Variants in JADE3 observed in about 807,000 individuals in gnomAD.
JADE3 encodes the protein protein Jade-3.
In JADE3, 2 loss-of-function variants were observed where a neutral mutation model predicts 50.1. The observed-to-expected ratio is 0.04, with a 90% CI of 0.02 to 0.13. The LOEUF (loss-of-function observed/expected upper bound fraction) is 0.13. JADE3 is among the 10% of genes least tolerant of loss of function. JADE3 has a pLI of 1.00. For synonymous variants in JADE3, 218 were observed against 232.9 expected, an observed-to-expected ratio of 0.94 and a Z score of 0.58; for missense variants, 475 against 634.4, an observed-to-expected ratio of 0.75 and a Z score of 2.70.
chrX:47,003,614 T>G (rs1035840504), intron 4 of JADE3, among the ~76,000 whole-genome samples: 15 of 101,716 alleles, frequency 1.5e-4, no homozygotes, highest in African/African-American at 4.2e-4. Flanking sequence ...TTAATGTATA[T>G]ATATAAATTT....
intron 1 of JADE3, among the ~76,000 whole-genome samples, chrX:46,921,960 T>C (rs1292194619): frequency 9.4e-6 from 1 of 106,868 alleles, no homozygotes; most frequent in African/African-American, 3.4e-5. Flanking sequence ...GGGATACATG[T>C]ACAGAATGTG....
chrX:47,006,977 T>C (rs1001777169), intron 4 of JADE3, among the ~76,000 whole-genome samples: 1 of 109,503 alleles, frequency 9.1e-6, no homozygotes, highest in African/African-American at 3.3e-5. Flanking sequence ...TTTTTTTTTC[T>C]TTTCTTTTAA....
intron 8 of JADE3, among the ~76,000 whole-genome samples, chrX:47,046,863 A>G (rs1929389761): frequency 8.9e-6 from 1 of 112,610 alleles, no homozygotes; most frequent in African/African-American, 3.2e-5. Context: ...CCACTTGGTC[A>G]TGATGAATGA....
At chrX:47,044,974 C>T (rs1160255325) in intron 8 of JADE3, among the ~76,000 whole-genome samples, 1 of 111,300 alleles carries the variant, frequency 9.0e-6, no homozygotes, top group Non-Finnish European at 1.9e-5. Context: ...GACATACCAC[C>T]TGAGAATATC....
rs1556357997 is a variant in JADE3, at chrX:46,998,288, G to T, written c.284+11G>T. 2.5e-6 allele frequency: 3 copies of T among 1,193,833 alleles called. No homozygotes were observed. Among genetic ancestry groups the T allele is most frequent in the Non-Finnish European group, 3.4e-6 (3 of 885,329 alleles). ...ACAGCCTTCTCTCAGGTATTTGCAT[G>T]CTTGCACCTTTGACTTAGGGAATGA... On this transcript the variant is annotated intron_variant, in intron 4 of 10. Coordinates refer to ENST00000614628, the MANE Select transcript of JADE3 (RefSeq NM_014735.5).
At chrX:46,941,130 G>A (rs137957030) in intron 1 of JADE3, among the ~76,000 whole-genome samples, 3 of 109,578 alleles carry the variant, frequency 2.7e-5, no homozygotes, top group African/African-American at 1.0e-4. Context: ...ATGTCTGTGT[G>A]TACCCAGTGT....
At chrX:46,991,047 T>TCCCCCCCCC (rs1927982991) in intron 3 of JADE3, among the ~76,000 whole-genome samples, 1 of 1,609 alleles carries the variant, frequency 6.2e-4, no homozygotes, top group African/African-American at 1.9e-3. Flanking sequence ...CTTCCTTCCC[T>TCCCCCCCCC]CCCTCCCTCC....
chrX:46,985,658 T>G, intron 2 of JADE3, 55 bp from the exon 3 acceptor site: 1 of 751,381 alleles, frequency 1.3e-6, no homozygotes, highest in South Asian at 2.3e-5. Flanking sequence ...TTATGACATT[T>G]AGTTATATTA....
intron 1 of JADE3, among the ~76,000 whole-genome samples, chrX:46,941,135 C>T (rs1408033533): frequency 9.1e-6 from 1 of 109,754 alleles, no homozygotes; most frequent in African/African-American, 3.3e-5. Context: ...TGTGTGTACC[C>T]AGTGTTTAGC....
intron 5 of JADE3, among the ~76,000 whole-genome samples, chrX:47,025,179 A>G: frequency 8.9e-6 from 1 of 112,077 alleles, no homozygotes; most frequent in Middle Eastern, 4.6e-3. Context: ...GGTCTCATGA[A>G]GTTGTTTCCC....
chrX:46,915,887 T>G (rs920951020), intron 1 of JADE3, among the ~76,000 whole-genome samples: 7 of 111,753 alleles, frequency 6.3e-5, no homozygotes, highest in Non-Finnish European at 7.5e-5. Flanking sequence ...ACTGGGGCTT[T>G]GACCAATAGG....
intron 1 of JADE3, among the ~76,000 whole-genome samples, chrX:46,976,770 T>C (rs1354434572): frequency 8.9e-6 from 1 of 112,241 alleles, no homozygotes; most frequent in African/African-American, 3.2e-5. Flanking sequence ...TTTATTTGCT[T>C]GTTTTATGTT....
intron 1 of JADE3, among the ~76,000 whole-genome samples, chrX:46,923,262 G>T (rs933987471): frequency 1.8e-5 from 2 of 108,678 alleles, no homozygotes; most frequent in Non-Finnish European, 3.8e-5. Context: ...TGATCTGCCC[G>T]CCTTGACCTC....
intron 6 of JADE3, among the ~76,000 whole-genome samples, chrX:47,028,345 C>T (rs1556366019): frequency 1.8e-5 from 2 of 110,105 alleles, no homozygotes; most frequent in African/African-American, 6.6e-5. Flanking sequence ...TATGCCCAGA[C>T]CATTGGGATT....
intron 1 of JADE3, among the ~76,000 whole-genome samples, chrX:46,967,065 C>T (rs1323718766): frequency 1.8e-5 from 2 of 112,175 alleles, no homozygotes; most frequent in Non-Finnish European, 3.8e-5. Flanking sequence ...GTGTTCAATT[C>T]CTAACAGTTT....
intron 5 of JADE3, 32 bp downstream of exon 5, chrX:47,024,946 T>A: frequency 3.5e-6 from 3 of 864,133 alleles, no homozygotes; most frequent in Non-Finnish European, 4.9e-6. Flanking sequence ...AAGTTGTGAC[T>A]TAATTCATGT....
At chrX:47,053,706 G>A in intron 8 of JADE3, among the ~76,000 whole-genome samples, 1 of 112,716 alleles carries the variant, frequency 8.9e-6, no homozygotes, top group African/African-American at 3.2e-5. Flanking sequence ...CATTTTCTGA[G>A]CAACTGCTTC....
Position 47,056,193 on chromosome X carries a change from G to A in JADE3, c.1555G>A (p.Asp519Asn), listed in dbSNP as rs1556373391. ...AGTCCAGCTTCTTAACCAAGAAATT[G>A]ATGCAGGTAACCTGTATATTTAAAA... The part of the protein sequence containing the change: ...LQVQLLNQEI[D>N]AGLPLTNALE... The change falls in exon 10 of 11, where the codon GAT becomes AAT. Residue 519 changes from aspartate (D) to asparagine (N), a missense_variant. By Grantham distance (23) the Asp-to-Asn change is conservative (BLOSUM62 1). This residue lies in a region of JADE3 where 243 missense variants were observed against 238.2 expected (regional missense o/e 1.02). Transcript: ENST00000614628. 1 of 1,110,148 alleles carries A rather than the reference G, an allele frequency of 9.0e-7. No individual in the cohort carries two copies. The highest frequency in any genetic ancestry group is 2.2e-5 in the Admixed American group (1 of 45,859). 91.5% of individuals were successfully genotyped at this position (1,110,148 alleles called of 1,213,427 possible). A position where few individuals can be genotyped will look rare whatever the true frequency, so the allele number is the denominator to read the frequency against.
intron 1 of JADE3, among the ~76,000 whole-genome samples, chrX:46,966,743 G>GA (rs1473894832): frequency 6.3e-5 from 7 of 111,518 alleles, no homozygotes; most frequent in African/African-American, 2.3e-4. Context: ...AGAAGGCAAA[G>GA]AAAGAAAGAA....
Sources: gnomAD v4.1 joint callset for allele counts (sites outside exome capture counted in the v4.1 genomes callset) on GRCh38, gnomAD v4.1.1 for gene constraint, gnomAD v4.1.1 regional missense constraint, MANE v1.5 for transcripts, NCBI Gene and HGNC (gene_info 2026-07-23, HGNC 2026-07-21) for gene names.